The following ZBTB20 variants were observed in gnomAD, a reference collection of about 807,000 sequenced individuals.
ZBTB20 encodes zinc finger and BTB domain-containing protein 20.
Under a neutral mutation model 56.9 loss-of-function variants are expected in ZBTB20, and 9 were observed. That is an observed-to-expected ratio of 0.16 (90% CI 0.10 to 0.28). The LOEUF is 0.28. Ranked by LOEUF, ZBTB20 falls within the 10% of genes least tolerant of loss-of-function variation. The pLI, the probability that ZBTB20 is intolerant of heterozygous loss-of-function variation, is 1.00. For missense variants in ZBTB20, 655 were observed against 1,003.0 expected, an observed-to-expected ratio of 0.65 and a Z score of 4.69; for synonymous variants, 417 against 420.7, an observed-to-expected ratio of 0.99 and a Z score of 0.11.
chr3:114,930,412 T>C (rs1453358967), intron 3 of ZBTB20: 1 of 152,338 alleles, frequency 6.6e-6, no homozygotes, highest in African/African-American at 2.4e-5. Flanking sequence ...TAATTGAAAC[T>C]TGAGTTCAAT....
At chr3:114,974,882 G>A (rs2078033793) in intron 2 of ZBTB20, among the ~76,000 whole-genome samples, 2 of 151,940 alleles carry the variant, frequency 1.3e-5, no homozygotes, top group South Asian at 4.1e-4. Flanking sequence ...TAGTAGGTAA[G>A]GTTAGAGATA....
At chr3:115,082,160 G>T (rs2082819454) in intron 1 of ZBTB20, among the ~76,000 whole-genome samples, 1 of 152,118 alleles carries the variant, frequency 6.6e-6, no homozygotes, top group Non-Finnish European at 1.5e-5. Context: ...CATTCAAATG[G>T]CTAAACAGAC....
chr3:114,885,024 G>A (rs1436105244), intron 4 of ZBTB20, among the ~76,000 whole-genome samples: 1 of 152,152 alleles, frequency 6.6e-6, no homozygotes, highest in Non-Finnish European at 1.5e-5. Flanking sequence ...AGGAGATATG[G>A]TTAAAATTTA....
chr3:114,643,297 GT>G (rs1476883815), intron 6 of ZBTB20, among the ~76,000 whole-genome samples: 1 of 152,048 alleles, frequency 6.6e-6, no homozygotes, highest in African/African-American at 2.4e-5. Context: ...GTGCTACTTT[GT>G]TGTGCTGATG....
intron 6 of ZBTB20, among the ~76,000 whole-genome samples, chr3:114,569,254 G>A (rs1197763563): frequency 1.3e-5 from 2 of 152,172 alleles, no homozygotes; most frequent in African/African-American, 2.4e-5. Context: ...AAGCATTGAT[G>A]GATGCTCCAT....
chr3:114,622,943 T>C (rs1273076730), intron 6 of ZBTB20, among the ~76,000 whole-genome samples: 2 of 152,204 alleles, frequency 1.3e-5, no homozygotes, highest in Non-Finnish European at 2.9e-5. Context: ...ATGAGAACCA[T>C]ATTGGCGACA....
chr3:114,713,904 T>C (rs1396692347), intron 5 of ZBTB20: 1 of 152,632 alleles, frequency 6.6e-6, no homozygotes, highest in African/African-American at 2.4e-5. Context: ...ACATTTGTAA[T>C]ATTTATGCCT....
intron 5 of ZBTB20, among the ~76,000 whole-genome samples, chr3:114,694,220 C>T (rs2062863934): frequency 2.0e-5 from 3 of 151,848 alleles, no homozygotes; most frequent in Admixed American, 6.6e-5. Context: ...ATCTTTTATG[C>T]GAAGTCATAG....
chr3:114,775,263 A>C (rs1043658347), intron 5 of ZBTB20, among the ~76,000 whole-genome samples: 1 of 152,046 alleles, frequency 6.6e-6, no homozygotes, highest in Non-Finnish European at 1.5e-5. Flanking sequence ...GTTGTATCAG[A>C]GTGTTGTACT....
chr3:114,610,291 G>C (rs968502714), intron 6 of ZBTB20, among the ~76,000 whole-genome samples: 3 of 152,182 alleles, frequency 2.0e-5, no homozygotes, highest in African/African-American at 7.2e-5. Flanking sequence ...TATAACAAAT[G>C]CACCCACTAA....
intron 10 of ZBTB20, among the ~76,000 whole-genome samples, chr3:114,378,490 T>A (rs754486897): frequency 5.3e-5 from 8 of 152,234 alleles, no homozygotes; most frequent in Non-Finnish European, 1.5e-5. Context: ...TTCCTGAAAC[T>A]TACTTCATGC....
intron 10 of ZBTB20, among the ~76,000 whole-genome samples, chr3:114,375,168 T>C (rs2083464753): frequency 6.6e-6 from 1 of 152,230 alleles, no homozygotes; most frequent in Admixed American, 6.5e-5. Context: ...ATTGAGCGTG[T>C]CTGCCTTAAA....
chr3:114,731,853 T>TTTAGTAACTAATCCGGCTGTGCCTAGA (rs1226339350), intron 5 of ZBTB20, among the ~76,000 whole-genome samples: 114 of 142,058 alleles, frequency 8.0e-4, no homozygotes, highest in Middle Eastern at 3.7e-3. Context: ...CTGTGCCTAG[T>TTTAGTAACTAATCCGGCTGTGCCTAGA]TTAGTAACTA....
At chr3:114,430,024 G>GTTAC (rs199868520) in intron 7 of ZBTB20, among the ~76,000 whole-genome samples, 5 of 151,776 alleles carry the variant, frequency 3.3e-5, no homozygotes, top group Non-Finnish European at 5.9e-5. Context: ...TTCCCTTACA[G>GTTAC]TTATATTTTA....
chr3:114,457,205 A>G (rs1026295156), intron 7 of ZBTB20, among the ~76,000 whole-genome samples: 3 of 152,228 alleles, frequency 2.0e-5, no homozygotes, highest in Non-Finnish European at 4.4e-5. Flanking sequence ...GAGCAAACAC[A>G]TATTTATATA....
At chr3:115,105,097 C>T (rs2083683923) in intron 1 of ZBTB20, among the ~76,000 whole-genome samples, 1 of 151,934 alleles carries the variant, frequency 6.6e-6, no homozygotes, top group Non-Finnish European at 1.5e-5. Context: ...AGCTTGCGTA[C>T]CCTCGTCAAG....
intron 4 of ZBTB20, among the ~76,000 whole-genome samples, chr3:114,855,089 T>A (rs2075183904): frequency 6.6e-6 from 1 of 152,214 alleles, no homozygotes; most frequent in South Asian, 2.1e-4. Context: ...AAAAACCACA[T>A]CACTATCAAT....
chr3:114,930,704 T>C (rs1046832185), intron 3 of ZBTB20: 1 of 208,172 alleles, frequency 4.8e-6, no homozygotes, highest in Non-Finnish European at 1.0e-5. Flanking sequence ...AATGGTTCAA[T>C]GTAAGAAATA....
intron 6 of ZBTB20, among the ~76,000 whole-genome samples, chr3:114,572,607 A>T (rs916747302): frequency 6.6e-6 from 1 of 152,132 alleles, no homozygotes; most frequent in African/African-American, 2.4e-5. Context: ...GGCAGAAGGA[A>T]AAGAGGGTGA....
Sources: allele counts gnomAD v4.1 joint callset (sites outside exome capture counted in the v4.1 genomes callset), GRCh38; gene constraint gnomAD v4.1.1; transcripts MANE v1.5; gene names NCBI Gene and HGNC (gene_info 2026-07-23, HGNC 2026-07-21).